Variants in PKHD1 observed in about 807,000 individuals in gnomAD.
The protein encoded by PKHD1 is fibrocystin.
Under a neutral mutation model 412.0 loss-of-function variants are expected in PKHD1, and 291 were observed. The ratio of observed to expected loss-of-function variants is 0.71; its 90% CI spans 0.64 to 0.78. The LOEUF (loss-of-function observed/expected upper bound fraction) is 0.78. PKHD1 is among the 30% of genes least tolerant of loss of function. PKHD1 has a pLI of 0.00. For missense variants in PKHD1, 4,825 were observed against 4,950.7 expected, an observed-to-expected ratio of 0.97 and a Z score of 0.76; for synonymous variants, 1,777 against 1,821.5, an observed-to-expected ratio of 0.98 and a Z score of 0.62.
intron 43 of PKHD1, among the ~76,000 whole-genome samples, chr6:51,899,832 T>A (rs1159367886): frequency 6.6e-6 from 1 of 152,102 alleles, no homozygotes; most frequent in Non-Finnish European, 1.5e-5. Flanking sequence ...CAGGATACAA[T>A]ATCAATGTAC....
At chr6:51,999,491 T>C (rs1197413780) in intron 35 of PKHD1, among the ~76,000 whole-genome samples, 1 of 152,242 alleles carries the variant, frequency 6.6e-6, no homozygotes, top group Non-Finnish European at 1.5e-5. Context: ...CTGCGCTATC[T>C]GGTCAAGGTT....
intron 41 of PKHD1, among the ~76,000 whole-genome samples, chr6:51,904,774 T>C (rs1781825542): frequency 6.6e-6 from 1 of 152,224 alleles, no homozygotes; most frequent in Admixed American, 6.5e-5. Context: ...GCATAGTTAA[T>C]ATCTATTCCA....
chr6:51,899,130 C>A lies in PKHD1; in HGVS notation c.6996+4467G>T, dbSNP rs375355334. Among the ~76,000 whole-genome samples, 137 of 151,658 alleles carry A rather than the reference C, an allele frequency of 9.0e-4. 1 individual carries two copies. Among genetic ancestry groups the A allele is most frequent in the Admixed American group, 5.3e-3 (80 of 15,200 alleles). On this transcript the variant is annotated intron_variant, in intron 43 of 66. Transcript: ENST00000371117. ...CATTCCTTCTGAAACTATTCCAATC[C>A]ATAGAAAAAGAGGGAATCCTCCCTA...
intron 60 of PKHD1, chr6:51,741,240 T>G: frequency 1.9e-6 from 1 of 516,800 alleles, no homozygotes; most frequent in Non-Finnish European, 3.9e-6. Flanking sequence ...CTGACTGACA[T>G]TTTAGAGTTT....
At chr6:51,858,461 G>A (rs1319963786) in intron 48 of PKHD1, among the ~76,000 whole-genome samples, 1 of 152,164 alleles carries the variant, frequency 6.6e-6, no homozygotes, top group East Asian at 1.9e-4. Context: ...ACTAAGAAAT[G>A]TCAAAATTGG....
intron 5 of PKHD1, among the ~76,000 whole-genome samples, chr6:52,077,007 G>A (rs1811413998): frequency 1.3e-5 from 2 of 152,316 alleles, no homozygotes; most frequent in African/African-American, 4.8e-5. Context: ...CCTGGCGGTA[G>A]CATTCCAAAT....
At chr6:52,059,324 G>A (rs1171460684) in intron 15 of PKHD1, among the ~76,000 whole-genome samples, 1 of 129,106 alleles carries the variant, frequency 7.7e-6, no homozygotes, top group Non-Finnish European at 1.6e-5. Flanking sequence ...GGAGTGCAGT[G>A]GCAGCCACGA....
In PKHD1 at chr6:51,906,269, G is replaced by A. The variant is rs900150542; in HGVS notation, c.6754C>T (p.Leu2252=). The part of the protein sequence containing the change: ...RGLSMCGTLG[L]KVDSNVFYNI... ...TAGAATACATTACTGTCCACCTTCA[G>A]GCCCAAGGTCCCGCACATGCTGAGG... Residue 2252 remains leucine (L), a synonymous_variant, in exon 41 of 67, where the codon CTG becomes TTG. Transcript: ENST00000371117. 3.1e-6 allele frequency: 5 copies of A among 1,610,972 alleles called. No individual in the cohort carries two copies. In the Admixed American group the frequency reaches 8.3e-5, roughly 27 times the overall value.
intron 45 of PKHD1, among the ~76,000 whole-genome samples, chr6:51,885,045 A>T (rs1411604021): frequency 6.6e-6 from 1 of 152,124 alleles, no homozygotes; most frequent in Non-Finnish European, 1.5e-5. Context: ...TTATTGTGAC[A>T]TTATTATATG....
chr6:52,032,879 T>G (rs1803275991), intron 29 of PKHD1, 151 bp downstream of exon 29: 5 of 713,140 alleles, frequency 7.0e-6, no homozygotes, highest in Non-Finnish European at 1.2e-5. Context: ...GGAGATTGAT[T>G]CGATGATGGC....
chr6:51,965,937 T>C (rs1295793783), intron 35 of PKHD1, among the ~76,000 whole-genome samples: 1 of 152,148 alleles, frequency 6.6e-6, no homozygotes, highest in African/African-American at 2.4e-5. Flanking sequence ...TCTCCTCTAA[T>C]AGTATCTCTT....
intron 35 of PKHD1, among the ~76,000 whole-genome samples, chr6:51,970,567 G>C (rs940168708): frequency 3.9e-5 from 6 of 152,108 alleles, no homozygotes; most frequent in Non-Finnish European, 7.3e-5. Context: ...TTTCTTCTAG[G>C]ACTTTTATAC....
chr6:51,632,575 G>A lies in PKHD1; in HGVS notation c.11655C>T (p.Ser3885=). Residue 3885 remains serine, a synonymous_variant, in exon 65 of 67, where the codon AGC becomes AGT. Coordinates refer to ENST00000371117, the MANE Select transcript of PKHD1 (RefSeq NM_138694.4). ...SCLVCCWLKR[S]KSRKTKPEEI... ...AAAAAAACTACATACTTCTGCTTTT[G>A]CTTCTTTTAAGCCAACAGCACACCA... 6.2e-7 allele frequency: 1 copy of A among 1,612,034 alleles called. No homozygotes were observed. Among genetic ancestry groups the A allele is most frequent in the East Asian group, 2.2e-5 (1 of 44,802 alleles).
chr6:51,958,708 G>A (rs1486832346), intron 36 of PKHD1, among the ~76,000 whole-genome samples: 2 of 152,040 alleles, frequency 1.3e-5, no homozygotes, highest in African/African-American at 4.8e-5. Flanking sequence ...CCTGCCAAGA[G>A]TATCTTTTCT....
At chr6:52,027,922 GA>G in intron 30 of PKHD1, 26 bp from the exon 31 acceptor site, 1 of 1,555,558 alleles carries the variant, frequency 6.4e-7, no homozygotes, top group Non-Finnish European at 8.9e-7. Context: ...AGATGTTTAG[GA>G]AATAACTGAC....
At chr6:51,924,999 T>C (rs1266883) in intron 37 of PKHD1, among the ~76,000 whole-genome samples, 1 of 152,250 alleles carries the variant, frequency 6.6e-6, no homozygotes, top group African/African-American at 2.4e-5. Flanking sequence ...GTTTTATAGA[T>C]GTGGGAACTG....
chr6:51,703,467 T>G (rs1779680820), intron 60 of PKHD1, among the ~76,000 whole-genome samples: 1 of 151,950 alleles, frequency 6.6e-6, no homozygotes, highest in Non-Finnish European at 1.5e-5. Context: ...AATGGAGAAC[T>G]TCCCCCTAGC....
intron 36 of PKHD1, among the ~76,000 whole-genome samples, chr6:51,949,638 A>T (rs2127863345): frequency 6.6e-6 from 1 of 152,242 alleles, no homozygotes; most frequent in Admixed American, 6.5e-5. Context: ...AGAGGCGGAA[A>T]ATCAATTTGG....
At chr6:51,627,138 A>G in intron 65 of PKHD1, 22 bp from the exon 66 acceptor site, 1 of 1,610,214 alleles carries the variant, frequency 6.2e-7, no homozygotes, top group Non-Finnish European at 8.5e-7. Context: ...GAGAAGAAAA[A>G]GGATTTTTTT....
Sources: gnomAD v4.1 joint callset for allele counts (sites outside exome capture counted in the v4.1 genomes callset) on GRCh38, gnomAD v4.1.1 for gene constraint, MANE v1.5 for transcripts, NCBI Gene and HGNC (gene_info 2026-07-23, HGNC 2026-07-21) for gene names.